Variants in ROBO2 observed in about 807,000 individuals in gnomAD.
ROBO2 encodes the protein roundabout homolog 2.
In ROBO2, 53 loss-of-function variants were observed where a neutral mutation model predicts 160.8. The observed-to-expected ratio is 0.33, with a 90% confidence interval of 0.26 to 0.41. The LOEUF is 0.41. ROBO2 is among the 10% of genes least tolerant of loss of function. ROBO2 has a pLI of 1.00. For synonymous variants in ROBO2, 664 were observed against 611.7 expected, an observed-to-expected ratio of 1.09 and a Z score of -1.26; for missense variants, 1,577 against 1,722.4, an observed-to-expected ratio of 0.92 and a Z score of 1.49.
intron 2 of ROBO2, among the ~76,000 whole-genome samples, chr3:76,372,299 G>C (rs964557713): frequency 6.6e-6 from 1 of 151,740 alleles, no homozygotes; most frequent in African/African-American, 2.4e-5. Flanking sequence ...AAAACTTCCT[G>C]ACTTTCAGAC....
At chr3:76,057,933 G>C (rs1050568501) in intron 2 of ROBO2, among the ~76,000 whole-genome samples, 3 of 152,130 alleles carry the variant, frequency 2.0e-5, no homozygotes, top group African/African-American at 7.2e-5. Context: ...TAGATAGGTA[G>C]TTAAAAATAC....
chr3:76,761,991 G>A (rs995073729), intron 2 of ROBO2, among the ~76,000 whole-genome samples: 1 of 141,952 alleles, frequency 7.0e-6, no homozygotes, highest in South Asian at 2.3e-4. Context: ...AGACATTTAT[G>A]GGAATCAATA....
At chr3:76,990,556 A>G (rs555565047) in intron 2 of ROBO2, among the ~76,000 whole-genome samples, 169 of 152,330 alleles carry the variant, frequency 1.1e-3, no homozygotes, top group African/African-American at 3.9e-3. Flanking sequence ...CTAGTCAGAC[A>G]TGAGCAGAGC....
At chr3:76,360,050 A>G (rs555570657) in intron 2 of ROBO2, among the ~76,000 whole-genome samples, 1 of 152,192 alleles carries the variant, frequency 6.6e-6, no homozygotes, top group South Asian at 2.1e-4. Context: ...ACCCATGACC[A>G]GCGTAGTTCT....
intron 2 of ROBO2, among the ~76,000 whole-genome samples, chr3:76,664,675 A>G (rs1378442929): frequency 1.3e-5 from 2 of 152,180 alleles, no homozygotes; most frequent in Non-Finnish European, 2.9e-5. Flanking sequence ...AAACTTTCTT[A>G]AGGGTGAAGA....
intron 2 of ROBO2, among the ~76,000 whole-genome samples, chr3:76,010,912 A>T (rs1383793909): frequency 6.6e-6 from 1 of 152,238 alleles, no homozygotes; most frequent in Non-Finnish European, 1.5e-5. Flanking sequence ...TCACATATTT[A>T]GTACAAAATA....
chr3:77,496,461 A>G (rs1374905105), intron 5 of ROBO2, among the ~76,000 whole-genome samples: 8 of 152,190 alleles, frequency 5.3e-5, no homozygotes, highest in Non-Finnish European at 1.2e-4. Flanking sequence ...GTGAGGAATA[A>G]CAGTAATAAC....
intron 2 of ROBO2, among the ~76,000 whole-genome samples, chr3:76,626,317 G>T (rs1201107091): frequency 1.3e-5 from 2 of 152,156 alleles, no homozygotes; most frequent in Non-Finnish European, 2.9e-5. Context: ...GTGTGCGGTA[G>T]AGATATAAAC....
At chr3:76,676,386 T>G (rs1345127048) in intron 2 of ROBO2, among the ~76,000 whole-genome samples, 1 of 150,992 alleles carries the variant, frequency 6.6e-6, no homozygotes, top group Non-Finnish European at 1.5e-5. Flanking sequence ...TTCTGAGGCC[T>G]CCCTAGCCCT....
intron 2 of ROBO2, among the ~76,000 whole-genome samples, chr3:76,480,229 A>G (rs543458822): frequency 5.3e-5 from 8 of 151,988 alleles, no homozygotes; most frequent in Non-Finnish European, 1.0e-4. Context: ...TTTCTTCTTC[A>G]CTCTCCTAGA....
At chr3:77,078,428 G>A (rs956396943) in intron 1 of ROBO2, among the ~76,000 whole-genome samples, 1 of 152,122 alleles carries the variant, frequency 6.6e-6, no homozygotes, top group Non-Finnish European at 1.5e-5. Flanking sequence ...ACCAAGGTTC[G>A]GGAGTTAGCA....
intron 2 of ROBO2, among the ~76,000 whole-genome samples, chr3:76,561,700 G>A (rs1268242905): frequency 2.0e-5 from 3 of 152,122 alleles, no homozygotes; most frequent in African/African-American, 7.2e-5. Flanking sequence ...CAAACATTCA[G>A]TGAGTAAGCA....
At chr3:77,558,010 G>T in exon 9 of ROBO2, 1 of 1,613,184 alleles carries the variant, frequency 6.2e-7, no homozygotes, top group South Asian at 1.1e-5. Context: ...GCAGTGGATG[G>T]TACAGCGTTA....
At chr3:77,027,545 T>C (rs1032713082) in intron 2 of ROBO2, among the ~76,000 whole-genome samples, 2 of 152,208 alleles carry the variant, frequency 1.3e-5, no homozygotes, top group African/African-American at 4.8e-5. Context: ...TACATGGCAA[T>C]TGCTAGGTTG....
At chr3:77,557,028 C>T (rs986696132) in intron 8 of ROBO2, among the ~76,000 whole-genome samples, 4 of 151,746 alleles carry the variant, frequency 2.6e-5, no homozygotes, top group Non-Finnish European at 5.9e-5. Context: ...TTTTTCTTAA[C>T]CATGTAAATA....
At chr3:76,107,520 T>G (rs2069997049) in intron 2 of ROBO2, among the ~76,000 whole-genome samples, 2 of 152,184 alleles carry the variant, frequency 1.3e-5, no homozygotes. Flanking sequence ...CTCCTTTTTT[T>G]AACTTCATGT....
chr3:77,299,168 T>C (rs1171154903), intron 2 of ROBO2, among the ~76,000 whole-genome samples: 1 of 152,198 alleles, frequency 6.6e-6, no homozygotes, highest in Non-Finnish European at 1.5e-5. Flanking sequence ...TTTTTTAAAA[T>C]ATAAGTTGAG....
intron 2 of ROBO2, among the ~76,000 whole-genome samples, chr3:77,461,357 T>A (rs2082225155): frequency 6.6e-6 from 1 of 151,972 alleles, no homozygotes; most frequent in South Asian, 2.1e-4. Flanking sequence ...TTATTATAGA[T>A]CCAAGGATTA....
intron 2 of ROBO2, among the ~76,000 whole-genome samples, chr3:76,294,104 C>G (rs1708947181): frequency 2.0e-5 from 3 of 152,178 alleles, no homozygotes; most frequent in Non-Finnish European, 2.9e-5. Flanking sequence ...TGACAGCACC[C>G]AAGCTTAGCC....
Sources: allele counts gnomAD v4.1 joint callset (sites outside exome capture counted in the v4.1 genomes callset), GRCh38; gene constraint gnomAD v4.1.1; transcripts MANE v1.5; gene names NCBI Gene and HGNC (gene_info 2026-07-23, HGNC 2026-07-21).